Variants in ZFHX3 observed in about 807,000 individuals in gnomAD.
ZFHX3 encodes the protein zinc finger homeobox protein 3.
ZFHX3 carries 42 observed loss-of-function variants against 279.1 expected under a neutral mutation model. The ratio of observed to expected loss-of-function variants is 0.15; its 90% CI spans 0.12 to 0.19. ZFHX3 has a LOEUF of 0.19. ZFHX3 is among the 10% of genes least tolerant of loss of function. The pLI is 1.00. For synonymous variants in ZFHX3, 2,293 were observed against 1,957.8 expected (o/e 1.17, Z -4.52); for missense variants, 4,981 against 4,754.0 (o/e 1.05, Z -1.40).
At chr16:73,427,486 T>G (rs935446626) in intron 3 of ZFHX3, among the ~76,000 whole-genome samples, 2 of 152,134 alleles carry the variant, frequency 1.3e-5, no homozygotes, top group Non-Finnish European at 2.9e-5. Flanking sequence ...CCCACCCAGA[T>G]AGCCTCTTCC....
chr16:73,042,633 T>C (rs779268370), intron 1 of ZFHX3, among the ~76,000 whole-genome samples: 3 of 151,922 alleles, frequency 2.0e-5, no homozygotes, highest in Non-Finnish European at 4.4e-5. Flanking sequence ...GAACAGCGGG[T>C]ATAGGCAGTC....
At position 72,797,666 on chromosome 16, in the gene ZFHX3, G is replaced by A. The variant is rs1195679534; in HGVS notation, c.5016C>T (p.Gly1672=). 1.2e-6 allele frequency: 2 copies of A among 1,614,038 alleles called. No homozygotes were observed. Among genetic ancestry groups the A allele is most frequent in the African/African-American group, 2.7e-5 (2 of 74,906 alleles). ...TFTTSNPSSA[G]IAPSSNLLSQ... ...TTAGTAAGTTAGAGCTTGGAGCAAT[G>A]CCAGCACTGCTTGGATTGGAGGTGG... is the stretch of plus-strand genomic sequence containing the variant. The change falls in exon 9 of 10, where the codon GGC becomes GGT. Residue 1672 remains glycine (G), a synonymous_variant. Transcript: ENST00000268489.
chr16:73,222,410 C>G (rs933064868), intron 5 of ZFHX3, among the ~76,000 whole-genome samples: 2 of 151,982 alleles, frequency 1.3e-5, no homozygotes, highest in Admixed American at 1.3e-4. Context: ...CTCAATCACT[C>G]TCCTATATAC....
chr16:72,806,793 CTG>C (rs755885137), intron 7 of ZFHX3, among the ~76,000 whole-genome samples: 8 of 152,108 alleles, frequency 5.3e-5, no homozygotes, highest in Non-Finnish European at 1.0e-4. Flanking sequence ...GGAAGGGAAA[CTG>C]TGCAGGTACA....
chr16:73,356,507 C>T (rs118005015), intron 3 of ZFHX3, among the ~76,000 whole-genome samples: 12 of 152,132 alleles, frequency 7.9e-5, no homozygotes, highest in Non-Finnish European at 1.3e-4. Flanking sequence ...CCCCTCACGG[C>T]GGTGACACAT....
intron 4 of ZFHX3, among the ~76,000 whole-genome samples, chr16:73,302,662 C>T (rs530247580): frequency 2.6e-5 from 4 of 152,246 alleles, no homozygotes; most frequent in African/African-American, 9.6e-5. Context: ...TTAGCTTTCT[C>T]CCCTTTTGTA....
intron 3 of ZFHX3, among the ~76,000 whole-genome samples, chr16:72,922,801 T>C (rs2039615549): frequency 6.6e-6 from 1 of 152,174 alleles, no homozygotes; most frequent in African/African-American, 2.4e-5. Context: ...CTAAAAACTC[T>C]GGGAGGCAAA....
chr16:73,875,526 G>C (rs1258694776), intron 1 of ZFHX3, among the ~76,000 whole-genome samples: 3 of 151,568 alleles, frequency 2.0e-5, no homozygotes, highest in African/African-American at 7.3e-5. Flanking sequence ...TCTTTTATGA[G>C]GTAAATTTAT....
At chr16:73,260,196 T>C (rs773057241) in intron 4 of ZFHX3, among the ~76,000 whole-genome samples, 7 of 152,226 alleles carry the variant, frequency 4.6e-5, no homozygotes, top group Non-Finnish European at 8.8e-5. Context: ...ATTCAGGGTA[T>C]GCATTTTTGA....
At chr16:73,446,424 C>T (rs2018186362) in intron 3 of ZFHX3, among the ~76,000 whole-genome samples, 1 of 152,094 alleles carries the variant, frequency 6.6e-6, no homozygotes, top group African/African-American at 2.4e-5. Context: ...GGGGAAAGAA[C>T]CTTATAAAAC....
intron 2 of ZFHX3, among the ~76,000 whole-genome samples, chr16:73,537,314 C>CTTTTTTTT (rs3051948): frequency 6.4e-5 from 5 of 77,626 alleles, no homozygotes; most frequent in African/African-American, 8.5e-5. Context: ...CTTTCTTCTT[C>CTTTTTTTT]TTTTTTTTTT....
chr16:73,662,158 A>T (rs1415799456), intron 2 of ZFHX3, among the ~76,000 whole-genome samples: 3 of 152,196 alleles, frequency 2.0e-5, no homozygotes, highest in African/African-American at 7.2e-5. Flanking sequence ...TAAAACCCTG[A>T]TATTACAAGG....
chr16:73,781,344 T>C (rs1959466315), intron 1 of ZFHX3, among the ~76,000 whole-genome samples: 1 of 152,212 alleles, frequency 6.6e-6, no homozygotes, highest in Admixed American at 6.5e-5. Flanking sequence ...TAGAGCCTGA[T>C]CATTTGTGTT....
intron 1 of ZFHX3, among the ~76,000 whole-genome samples, chr16:73,748,219 G>T (rs976293154): frequency 1.3e-5 from 2 of 152,076 alleles, no homozygotes; most frequent in African/African-American, 4.8e-5. Flanking sequence ...ATAAGGTAGA[G>T]ATACTGACAA....
chr16:73,537,524 G>A (rs1156989152), intron 2 of ZFHX3, among the ~76,000 whole-genome samples: 4 of 152,004 alleles, frequency 2.6e-5, no homozygotes, highest in Non-Finnish European at 5.9e-5. Flanking sequence ...CGCCATGTTG[G>A]CCAGGATGGT....
intron 3 of ZFHX3, among the ~76,000 whole-genome samples, chr16:72,939,410 T>TAGATGGAGCCACTCTGCTA (rs1197105076): frequency 6.6e-6 from 1 of 152,176 alleles, no homozygotes; most frequent in Non-Finnish European, 1.5e-5. Flanking sequence ...GTTCTAAAGC[T>TAGATGGAGCCACTCTGCTA]AGATGGAGCC....
intron 1 of ZFHX3, among the ~76,000 whole-genome samples, chr16:73,698,864 TTTTG>T (rs3049564): frequency 0.033 from 5,051 of 150,902 alleles, 250 homozygotes; most frequent in African/African-American, 0.11. Flanking sequence ...ACAGTTTTAT[TTTTG>T]TTTGTTTGTT....
intron 2 of ZFHX3, among the ~76,000 whole-genome samples, chr16:73,589,395 T>C (rs1424630627): frequency 7.0e-6 from 1 of 142,132 alleles, no homozygotes; most frequent in Non-Finnish European, 1.5e-5. Flanking sequence ...ATGATCACAC[T>C]ACTATACTCT....
In ZFHX3 at chr16:72,854,686, A is replaced by G. The variant is rs151126696; in HGVS notation, c.3449-24827T>C. Among the ~76,000 whole-genome samples the G allele has an allele frequency of 2.9e-3, 443 of 152,292 alleles. 1 individual carries two copies. Among genetic ancestry groups the G allele is most frequent in the African/African-American group, 0.01 (421 of 41,560 alleles). On this transcript the variant is annotated intron_variant, in intron 4 of 9. Coordinates refer to ENST00000268489, the MANE Select transcript of ZFHX3 (RefSeq NM_006885.4). The stretch of plus-strand genomic sequence containing the variant: ...TAGCAAGATTGGATAGGCCAATTTC[A>G]AAGACTAATATGAAAAAAGTGCAAT...
Sources: allele counts gnomAD v4.1 joint callset (sites outside exome capture counted in the v4.1 genomes callset), GRCh38; gene constraint gnomAD v4.1.1; transcripts MANE v1.5; gene names NCBI Gene and HGNC (gene_info 2026-07-23, HGNC 2026-07-21).